Variants in AGBL1 observed in about 807,000 individuals in gnomAD.
The protein encoded by AGBL1 is AGBL carboxypeptidase 1, also known as cytosolic carboxypeptidase 4.
Under a neutral mutation model 118.9 loss-of-function variants are expected in AGBL1, and 130 were observed. That is an observed-to-expected ratio of 1.09 (90% CI 0.95 to 1.26). The LOEUF is 1.26. AGBL1 is among the 50% of genes most tolerant of loss of function. The pLI is 0.00. For missense variants in AGBL1, 1,584 were observed against 1,298.1 expected (o/e 1.22, Z -3.38); for synonymous variants, 555 against 478.9 (o/e 1.16, Z -2.08).
chr15:86,827,331 ATATATATG>A (rs2079028162), intron 22 of AGBL1, among the ~76,000 whole-genome samples: 1 of 11,286 alleles, frequency 8.9e-5, no homozygotes, highest in East Asian at 0.025. Context: ...ACACATATAT[ATATATATG>A]TGTATATATA....
intron 22 of AGBL1, among the ~76,000 whole-genome samples, chr15:86,679,946 A>T (rs987858534): frequency 6.6e-6 from 1 of 151,978 alleles, no homozygotes; most frequent in Admixed American, 6.6e-5. Flanking sequence ...TGAATTGAGG[A>T]GTTTTGTGCC....
At chr15:86,608,168 A>C (rs1164095066) in intron 21 of AGBL1, among the ~76,000 whole-genome samples, 1 of 152,184 alleles carries the variant, frequency 6.6e-6, no homozygotes, top group Non-Finnish European at 1.5e-5. Context: ...GAGATCCAGA[A>C]CAGCTTTATC....
chr15:86,789,756 A>G (rs1167100813), intron 22 of AGBL1, among the ~76,000 whole-genome samples: 1 of 152,128 alleles, frequency 6.6e-6, no homozygotes, highest in Non-Finnish European at 1.5e-5. Context: ...GAGTAGGGGA[A>G]TGTTCACTTG....
At chr15:86,803,221 G>T (rs1201773431) in intron 22 of AGBL1, among the ~76,000 whole-genome samples, 3 of 152,200 alleles carry the variant, frequency 2.0e-5, no homozygotes, top group East Asian at 3.9e-4. Flanking sequence ...GATCATGGGG[G>T]TTGTTTCTCC....
intron 17 of AGBL1, among the ~76,000 whole-genome samples, chr15:86,374,970 A>G (rs966210694): frequency 6.6e-6 from 1 of 152,198 alleles, no homozygotes; most frequent in Non-Finnish European, 1.5e-5. Context: ...TGATGGATAC[A>G]TAGTAAATGT....
chr15:86,433,263 C>CTTTTTTTTTTTTT (rs1292975189), intron 18 of AGBL1, among the ~76,000 whole-genome samples: 1 of 54,948 alleles, frequency 1.8e-5, no homozygotes, highest in Non-Finnish European at 3.4e-5. Context: ...CCTCCTCCTT[C>CTTTTTTTTTTTTT]TTCTTTTTTT....
chr15:86,958,006 A>G (rs555084900), intron 23 of AGBL1, among the ~76,000 whole-genome samples: 66 of 152,178 alleles, frequency 4.3e-4, no homozygotes, highest in African/African-American at 1.5e-3. Context: ...GTTCGAGACC[A>G]GCCTAAGCCT....
chr15:86,810,000 TA>T (rs1340991602), intron 22 of AGBL1, among the ~76,000 whole-genome samples: 1 of 152,102 alleles, frequency 6.6e-6, no homozygotes, highest in Non-Finnish European at 1.5e-5. Context: ...TCCAGATTTT[TA>T]AAAAAATCTC....
At chr15:86,193,507 G>T (rs569971863) in intron 5 of AGBL1, among the ~76,000 whole-genome samples, 1 of 152,150 alleles carries the variant, frequency 6.6e-6, no homozygotes, top group Non-Finnish European at 1.5e-5. Context: ...CAGCCCACTT[G>T]AGATGAAACC....
chr15:86,244,663 C>T (rs1003624136), intron 6 of AGBL1, among the ~76,000 whole-genome samples: 4 of 151,868 alleles, frequency 2.6e-5, no homozygotes, highest in African/African-American at 7.3e-5. Context: ...TTTTCATTAT[C>T]TTTCTCCCCC....
intron 13 of AGBL1, 30 bp downstream of exon 13, chr15:86,267,106 C>G (rs1228552437): frequency 2.7e-6 from 4 of 1,501,422 alleles, no homozygotes; most frequent in Non-Finnish European, 3.6e-6. Flanking sequence ...GTGGGTGTCT[C>G]CTGTCAGTTC....
intron 1 of AGBL1, among the ~76,000 whole-genome samples, chr15:86,128,384 G>T (rs969850670): frequency 2.0e-5 from 3 of 152,210 alleles, no homozygotes; most frequent in Non-Finnish European, 4.4e-5. Context: ...GCCCTTGACA[G>T]GTGGGGATTA....
chr15:86,151,657 T>G (rs2141679697), intron 3 of AGBL1, among the ~76,000 whole-genome samples: 2 of 152,242 alleles, frequency 1.3e-5, no homozygotes, highest in South Asian at 4.1e-4. Context: ...TTCAACATAG[T>G]GTTGGAAGTT....
chr15:86,892,628 G>C (rs558300059), intron 22 of AGBL1, among the ~76,000 whole-genome samples: 3 of 152,262 alleles, frequency 2.0e-5, no homozygotes, highest in Admixed American at 2.0e-4. Flanking sequence ...TATATTTTAA[G>C]AGAGAACAAT....
At chr15:86,905,851 A>AT (rs2080274094) in intron 22 of AGBL1, among the ~76,000 whole-genome samples, 2 of 152,134 alleles carry the variant, frequency 1.3e-5, no homozygotes, top group African/African-American at 4.8e-5. Context: ...CAGCTACTTT[A>AT]TTACCCACAA....
At chr15:86,838,277 C>T (rs1202368657) in intron 22 of AGBL1, among the ~76,000 whole-genome samples, 1 of 152,038 alleles carries the variant, frequency 6.6e-6, no homozygotes, top group Non-Finnish European at 1.5e-5. Flanking sequence ...AAAGACAAAT[C>T]ACTGGCCTGT....
At chr15:86,118,814 T>C (rs1897922085) in intron 1 of AGBL1, among the ~76,000 whole-genome samples, 1 of 152,148 alleles carries the variant, frequency 6.6e-6, no homozygotes, top group African/African-American at 2.4e-5. Context: ...TAATTAACCA[T>C]GAGCCTGTCA....
chr15:86,632,861 C>T (rs1209989839), intron 21 of AGBL1, among the ~76,000 whole-genome samples: 1 of 152,000 alleles, frequency 6.6e-6, no homozygotes, highest in East Asian at 1.9e-4. Context: ...TTTTTTGTTT[C>T]TTACCTTTCT....
chr15:86,618,871 C>G (rs2084766480), intron 21 of AGBL1, among the ~76,000 whole-genome samples: 1 of 152,148 alleles, frequency 6.6e-6, no homozygotes. Context: ...TTTTGCTGGA[C>G]CCTCTGGCGC....
Sources: allele counts gnomAD v4.1 joint callset (sites outside exome capture counted in the v4.1 genomes callset), GRCh38; gene constraint gnomAD v4.1.1; transcripts MANE v1.5; gene names NCBI Gene and HGNC (gene_info 2026-07-23, HGNC 2026-07-21).